NKD1: variants seen among roughly 807,000 people sequenced by gnomAD.
The protein encoded by NKD1 is NKD inhibitor of Wnt signaling pathway 1.
Under a neutral mutation model 56.0 loss-of-function variants are expected in NKD1, and 21 were observed. The ratio of observed to expected loss-of-function variants is 0.38; its 90% CI spans 0.27 to 0.54. NKD1 has a LOEUF of 0.54. Among genes scored for constraint, NKD1 ranks in the 20% least tolerant of loss-of-function variants. NKD1 has a pLI of 0.82. For synonymous variants in NKD1, 263 were observed against 265.7 expected, an observed-to-expected ratio of 0.99 and a Z score of 0.10; for missense variants, 578 against 642.7, an observed-to-expected ratio of 0.90 and a Z score of 1.09.
intron 3 of NKD1, among the ~76,000 whole-genome samples, chr16:50,570,176 T>G (rs886957768): frequency 1.3e-5 from 2 of 152,214 alleles, no homozygotes; most frequent in Non-Finnish European, 2.9e-5. Flanking sequence ...AAAATTAATG[T>G]CACCTGTTTC....
chr16:50,633,902 T>A lies in NKD1; in HGVS notation c.*121T>A. 1 of 556,340 alleles carries A rather than the reference T, an allele frequency of 1.8e-6. No homozygotes were observed. The highest frequency in any genetic ancestry group is 3.1e-6 in the Non-Finnish European group (1 of 320,210). 34.5% of individuals were successfully genotyped at this position (556,340 alleles called of 1,614,324 possible). On this transcript the variant is annotated 3_prime_UTR_variant, in exon 10 of 10. Transcript: ENST00000268459. The surrounding 1 kb of genome is among the most constrained non-coding windows in gnomAD (Gnocchi z 4.9). ...TATTGTTATTAATAATTATTGTTAC[T>A]CCACTAATATTTAGCTAGCCTACAT...
intron 3 of NKD1, among the ~76,000 whole-genome samples, chr16:50,604,092 A>T (rs1596735465): frequency 1.3e-5 from 2 of 152,362 alleles, no homozygotes; most frequent in East Asian, 3.9e-4. Context: ...CTGGGATCAC[A>T]GAGTGACAAC....
chr16:50,564,017 G>A lies in NKD1; in HGVS notation c.192+14462G>A, dbSNP rs188852131. ...GGCTAAACTCCATCCTCAGTGGGCA[G>A]GGAGGCGTCAAAGGAGTGCAAAGGA... On this transcript the variant is annotated intron_variant, in intron 3 of 9. Coordinates refer to ENST00000268459, the MANE Select transcript of NKD1 (RefSeq NM_033119.5). Among the ~76,000 whole-genome samples, 153 of 152,390 alleles carry A rather than the reference G, an allele frequency of 1.0e-3. 1 individual carries two copies. Among genetic ancestry groups the A allele is most frequent in the African/African-American group, 3.6e-3 (151 of 41,582 alleles).
Position 50,633,044 on chromosome 16 carries a change from G to A in NKD1, c.824-148G>A. 3.0e-6 allele frequency: 2 copies of A among 655,828 alleles called. No individual in the cohort carries two copies. Among genetic ancestry groups the A allele is most frequent in the Non-Finnish European group, 4.9e-6 (2 of 406,200 alleles). The allele number at this position is 655,828 out of a possible 1,614,324, so 40.6% of individuals were successfully genotyped here. On this transcript the variant is annotated intron_variant, in intron 9 of 9. Transcript: ENST00000268459. This position sits in a 1 kb window ranked among gnomAD's most constrained non-coding sequence, Gnocchi z 4.9. The stretch of plus-strand genomic sequence containing the variant: ...AGATGGGAAAGTTCCATTTCAGAGA[G>A]TTTTCCTGCAAGGCAGTGAGGGGCA...
At chr16:50,574,987 G>A (rs1960961878) in intron 3 of NKD1, 1 of 985,174 alleles carries the variant, frequency 1.0e-6, no homozygotes, top group Non-Finnish European at 1.2e-6. Flanking sequence ...CATAACCCTG[G>A]TGCTTCTCAC....
chr16:50,613,708 GT>G (rs1475421235), intron 4 of NKD1: 8 of 131,090 alleles, frequency 6.1e-5, no homozygotes, highest in South Asian at 2.7e-4. Context: ...GGGTTAGATT[GT>G]AAAAGCCGAA....
intron 3 of NKD1, among the ~76,000 whole-genome samples, chr16:50,592,577 C>T (rs1961391653): frequency 6.6e-6 from 1 of 152,196 alleles, no homozygotes; most frequent in African/African-American, 2.4e-5. Flanking sequence ...ACCCTGTCCT[C>T]AACGAGTTTA....
At chr16:50,588,964 C>T (rs758191202) in intron 3 of NKD1, among the ~76,000 whole-genome samples, 6 of 152,144 alleles carry the variant, frequency 3.9e-5, no homozygotes, top group African/African-American at 1.2e-4. Flanking sequence ...GAAGTAGCAA[C>T]GTCTGCCTCA....
chr16:50,568,375 CA>C (rs1960809321), intron 3 of NKD1, among the ~76,000 whole-genome samples: 1 of 152,226 alleles, frequency 6.6e-6, no homozygotes, highest in South Asian at 2.1e-4. Context: ...GCTGGAGACA[CA>C]GGAAGTCCAG....
intron 4 of NKD1, among the ~76,000 whole-genome samples, chr16:50,610,039 A>C (rs1023034528): frequency 1.3e-5 from 2 of 152,168 alleles, no homozygotes; most frequent in African/African-American, 4.8e-5. Flanking sequence ...TTAAACTTTT[A>C]TAAGAACATA....
intron 3 of NKD1, among the ~76,000 whole-genome samples, chr16:50,585,018 T>C (rs1454804823): frequency 3.3e-5 from 5 of 152,238 alleles, no homozygotes; most frequent in African/African-American, 4.8e-5. Flanking sequence ...TTTCCCTTGC[T>C]GTCCTCAGGA....
intron 3 of NKD1, among the ~76,000 whole-genome samples, chr16:50,589,359 T>C (rs1961298916): frequency 6.6e-6 from 1 of 152,204 alleles, no homozygotes; most frequent in Admixed American, 6.5e-5. Context: ...TTTTTAAGCA[T>C]TAAACTTCAC....
At chr16:50,583,395 C>T (rs1466607641) in intron 3 of NKD1, among the ~76,000 whole-genome samples, 10 of 152,134 alleles carry the variant, frequency 6.6e-5, no homozygotes, top group East Asian at 1.9e-4. Flanking sequence ...CAATTAGTGT[C>T]CCAGCTGAGC....
At chr16:50,580,597 C>A (rs1961096999) in intron 3 of NKD1, among the ~76,000 whole-genome samples, 1 of 152,238 alleles carries the variant, frequency 6.6e-6, no homozygotes, top group African/African-American at 2.4e-5. Context: ...GAAATTGCAA[C>A]CTGGTGAGCT....
rs1489664666 is a variant in NKD1 at position 50,633,554 on chromosome 16, C to A, written c.1186C>A (p.Pro396Thr). The A allele has an allele frequency of 6.8e-6, 11 of 1,611,312 alleles. No homozygotes were observed. The African/African-American group carries it at 8.0e-5, about 12-fold the overall frequency. ...ASPALLPSLA[P>T]LGHKKHKHRA... is the part of the protein sequence containing the mutation. ...CCCGGCCCTCCTCCCCTCCCTAGCCCCCCTCGGGCACAAGAAGCACAAGCA... is the reference window on the plus strand; with the variant it reads ...CCCGGCCCTCCTCCCCTCCCTAGCCACCCTCGGGCACAAGAAGCACAAGCA... The change falls in exon 10 of 10, where the codon CCC becomes ACC. Residue 396 changes from proline to threonine, a missense_variant. By Grantham distance (38) the Pro-to-Thr change is conservative. Transcript: ENST00000268459. The surrounding 1 kb of genome is among the most constrained non-coding windows in gnomAD (Gnocchi z 4.9).
Position 50,633,262 on chromosome 16 carries a change from T to C in NKD1, c.894T>C (p.His298=), listed in dbSNP as rs750204023. 23 of 1,613,952 alleles carry C rather than the reference T, an allele frequency of 1.4e-5. No homozygotes were observed. In the Admixed American group the frequency reaches 3.8e-4, roughly 27 times the overall value. ...CCAATCCCACTCGATCTCGCTCCCA[T>C]GAGCCGGAAGCCATCCACATCCCAC... ...RTSNPTRSRS[H]EPEAIHIPHR... Residue 298 remains histidine (H), a synonymous_variant, in exon 10 of 10, where the codon CAT becomes CAC. Transcript: ENST00000268459. The surrounding 1 kb of genome is among the most constrained non-coding windows in gnomAD (Gnocchi z 4.9).
At chr16:50,602,571 A>G (rs1961618915) in intron 3 of NKD1, among the ~76,000 whole-genome samples, 1 of 152,226 alleles carries the variant, frequency 6.6e-6, no homozygotes, top group African/African-American at 2.4e-5. Flanking sequence ...CACTTCTGAT[A>G]AGGCTGGGGT....
chr16:50,621,440 A>C (rs779674312), intron 4 of NKD1, among the ~76,000 whole-genome samples, 162 bp from the exon 5 acceptor site: 2 of 152,208 alleles, frequency 1.3e-5, no homozygotes, highest in African/African-American at 4.8e-5. Context: ...ACCAGGTGCC[A>C]GAGTAGTGTG....
At chr16:50,588,598 C>CTTTTTTTTTT (rs574622414) in intron 3 of NKD1, among the ~76,000 whole-genome samples, 7 of 94,652 alleles carry the variant, frequency 7.4e-5, no homozygotes, top group Non-Finnish European at 8.3e-5. Context: ...TTTTCTTCTG[C>CTTTTTTTTTT]TTTTTTTTTT....
Sources: gnomAD v4.1 joint callset for allele counts (sites outside exome capture counted in the v4.1 genomes callset) on GRCh38, gnomAD v4.1.1 for gene constraint, Gnocchi (gnomAD v3.1) non-coding constraint, MANE v1.5 for transcripts, NCBI Gene and HGNC (gene_info 2026-07-23, HGNC 2026-07-21) for gene names.